The following ZFYVE1 variants were observed in gnomAD, a reference collection of about 807,000 sequenced individuals.
ZFYVE1 encodes the protein zinc finger FYVE-type containing 1.
A neutral mutation model predicts 74.4 loss-of-function variants in ZFYVE1; 30 were observed. That is an observed-to-expected ratio of 0.40 (90% CI 0.30 to 0.55). The LOEUF (loss-of-function observed/expected upper bound fraction) is 0.55, where lower values mean the gene tolerates loss of function less well. Among genes scored for constraint, ZFYVE1 ranks in the 20% least tolerant of loss-of-function variants. The pLI is 0.42. For missense variants in ZFYVE1, 703 were observed against 1,011.6 expected (o/e 0.69, Z 4.14); for synonymous variants, 335 against 385.1 (o/e 0.87, Z 1.52).
chr14:73,018,266 A>T (rs181748683), intron 2 of ZFYVE1, among the ~76,000 whole-genome samples: 37 of 152,058 alleles, frequency 2.4e-4, no homozygotes, highest in African/African-American at 8.9e-4. Context: ...CCCCATCTCT[A>T]CTAAAAATAC....
intron 2 of ZFYVE1, among the ~76,000 whole-genome samples, chr14:73,015,217 G>A (rs1344110219): frequency 7.3e-6 from 1 of 136,738 alleles, no homozygotes; most frequent in Non-Finnish European, 1.6e-5. Flanking sequence ...GTGACAGAGT[G>A]AGACTCCATC....
intron 4 of ZFYVE1, among the ~76,000 whole-genome samples, chr14:72,988,199 G>A (rs889811040): frequency 7.2e-6 from 1 of 139,324 alleles, no homozygotes; most frequent in South Asian, 2.3e-4. Context: ...TTTTGAGACA[G>A]AGTCTTGCTC....
intron 2 of ZFYVE1, among the ~76,000 whole-genome samples, chr14:73,020,587 C>T (rs1222544830): frequency 1.3e-5 from 2 of 152,164 alleles, no homozygotes; most frequent in African/African-American, 4.8e-5. Context: ...CTCCTGACCT[C>T]GTGATCCACC....
Position 72,998,371 on chromosome 14 carries a change from C to T in ZFYVE1, c.484-56G>A. 4.2e-6 allele frequency: 6 copies of T among 1,424,040 alleles called. No homozygotes were observed. In the South Asian group the frequency reaches 9.0e-5, roughly 21 times the overall value. The allele number at this position is 1,424,040 out of a possible 1,614,324, so 88.2% of individuals were successfully genotyped here. A position where few individuals can be genotyped will look rare whatever the true frequency, so the allele number is the denominator to read the frequency against. On this transcript the variant is annotated intron_variant, in intron 2 of 11. Transcript: ENST00000556143. ...ACAGAAACTGTAAAAGCACTAGAAA[C>T]ACCTACAAGAAGAAGTGCTTCCCAA...
At chr14:72,976,536 G>A (rs557688643) in intron 8 of ZFYVE1, among the ~76,000 whole-genome samples, 1 of 152,264 alleles carries the variant, frequency 6.6e-6, no homozygotes, top group South Asian at 2.1e-4. Flanking sequence ...TGTAATCCCA[G>A]CATTTTGGGA....
Position 72,997,814 on chromosome 14 carries a change from AG to A in ZFYVE1, c.984del (p.Ser329LeufsTer54). 1 of 1,584,598 alleles carries A rather than the reference AG, an allele frequency of 6.3e-7. No individual in the cohort carries two copies. Among genetic ancestry groups the A allele is most frequent in the Non-Finnish European group, 8.6e-7 (1 of 1,159,382 alleles). Reference protein sequence around the residue: ...FHETVHTQLLGSDHPSEVPEK... With the variant: ...FHETVHTQLLXSDHPSEVPEK... The stretch of plus-strand genomic sequence containing the variant: ...GACACTGTACCCCATCTCTCACCAG[AG>A]CCCAGTAGCTGGGTGTGCACGGTCT... On this transcript the variant is annotated frameshift_variant, in exon 3 of 12. Coordinates refer to ENST00000556143, the MANE Select transcript of ZFYVE1 (RefSeq NM_021260.4). LOFTEE classifies it high-confidence loss of function.
intron 2 of ZFYVE1, among the ~76,000 whole-genome samples, chr14:73,015,298 AAGGG>A (rs1385168209): frequency 1.8e-4 from 13 of 71,908 alleles, no homozygotes; most frequent in Non-Finnish European, 2.4e-4. Flanking sequence ...GGAAGGAAAG[AAGGG>A]AGGGAGGGAG....
chr14:73,023,276 TTATA>T (rs1246349800), intron 2 of ZFYVE1, among the ~76,000 whole-genome samples: 41 of 88,342 alleles, frequency 4.6e-4, no homozygotes, highest in African/African-American at 1.2e-3. Context: ...ATAATATATA[TTATA>T]TATGTTTTAT....
chr14:72,972,309 C>T (rs912628549), intron 11 of ZFYVE1, among the ~76,000 whole-genome samples: 1 of 152,184 alleles, frequency 6.6e-6, no homozygotes, highest in Non-Finnish European at 1.5e-5. Flanking sequence ...AAGAACATGC[C>T]TGACACACTG....
intron 2 of ZFYVE1, among the ~76,000 whole-genome samples, chr14:73,004,892 A>G (rs1335790282): frequency 6.6e-6 from 1 of 151,456 alleles, no homozygotes; most frequent in Non-Finnish European, 1.5e-5. Context: ...TCAACTACTC[A>G]GGAGGCTGAG....
intron 4 of ZFYVE1, among the ~76,000 whole-genome samples, chr14:72,982,587 G>A (rs935589829): frequency 6.6e-6 from 1 of 152,118 alleles, no homozygotes; most frequent in African/African-American, 2.4e-5. Flanking sequence ...CTTATTACTG[G>A]ATATTGAAAG....
In ZFYVE1 at chr14:72,974,042, G is replaced by A. The variant is rs1333892898; in HGVS notation, c.2101+38C>T. ...CAGGGCACCTGAAACCCCTCAACCC[G>A]CATCCACTACCCCCAAGAGAAGCAC... is the stretch of plus-strand genomic sequence containing the variant. On this transcript the variant is annotated intron_variant, in intron 11 of 11. Coordinates refer to ENST00000556143, the MANE Select transcript of ZFYVE1 (RefSeq NM_021260.4). 3.4e-5 allele frequency: 54 copies of A among 1,592,518 alleles called. 1 individual carries two copies. Among genetic ancestry groups the A allele is most frequent in the East Asian group, 2.5e-4 (11 of 44,702 alleles).
Position 73,003,054 on chromosome 14 carries a change from C to CTTTTT in ZFYVE1, c.484-4744_484-4740dup, listed in dbSNP as rs201185010. On this transcript the variant is annotated intron_variant, in intron 2 of 11. Transcript: ENST00000556143. ...CCGTGCCCAGCCCTTTTTTTCTTTT[C>CTTTTT]TTTTTTTTTTTTTTTTTTGAGACAG... 5.2e-4 allele frequency among the ~76,000 whole-genome samples: 54 copies of CTTTTT among 102,946 alleles called. 1 individual carries two copies. Among genetic ancestry groups the CTTTTT allele is most frequent in the South Asian group, 1.7e-3 (5 of 2,942 alleles). The allele number at this position is 102,946 out of a possible 152,430, so 67.5% of individuals were successfully genotyped here. A position where few individuals can be genotyped will look rare whatever the true frequency, so the allele number is the denominator to read the frequency against.
intron 4 of ZFYVE1, among the ~76,000 whole-genome samples, chr14:72,992,879 C>T (rs1893653382): frequency 6.6e-6 from 1 of 152,190 alleles, no homozygotes; most frequent in African/African-American, 2.4e-5. Flanking sequence ...GGCTGAGCCA[C>T]ACCAGCCAGA....
chr14:72,988,530 G>A (rs1340570096), intron 4 of ZFYVE1, among the ~76,000 whole-genome samples: 1 of 151,802 alleles, frequency 6.6e-6, no homozygotes, highest in East Asian at 2.0e-4. Flanking sequence ...TTTCGGGCCT[G>A]GCACAGTGGC....
At chr14:72,972,344 C>T (rs1246706176) in intron 11 of ZFYVE1, among the ~76,000 whole-genome samples, 8 of 152,200 alleles carry the variant, frequency 5.3e-5, no homozygotes, top group Non-Finnish European at 1.0e-4. Flanking sequence ...ACCCTGTGGG[C>T]GCTCAGAATG....
intron 4 of ZFYVE1, among the ~76,000 whole-genome samples, chr14:72,991,321 C>T (rs1241816591): frequency 6.6e-6 from 1 of 151,784 alleles, no homozygotes; most frequent in African/African-American, 2.4e-5. Flanking sequence ...TCCCAAGTAG[C>T]TGGGACTACA....
Position 73,022,042 on chromosome 14 carries a change from C to G in ZFYVE1, c.483+1984G>C, listed in dbSNP as rs867484378. Among the ~76,000 whole-genome samples the G allele has an allele frequency of 7.2e-5, 11 of 152,300 alleles. No homozygotes were observed. In the Middle Eastern group the frequency reaches 0.01, roughly 141 times the overall value. On this transcript the variant is annotated intron_variant, in intron 2 of 11. Coordinates refer to ENST00000556143, the MANE Select transcript of ZFYVE1 (RefSeq NM_021260.4). ...CAACCAAACTATGACTTTCCAAAAGCTGACATTACAGAGAACTGAGCAAAA... is the reference window on the plus strand; with the variant it reads ...CAACCAAACTATGACTTTCCAAAAGGTGACATTACAGAGAACTGAGCAAAA...
intron 2 of ZFYVE1, among the ~76,000 whole-genome samples, chr14:72,999,220 G>A (rs1290992233): frequency 6.6e-6 from 1 of 152,136 alleles, no homozygotes; most frequent in Admixed American, 6.6e-5. Context: ...CCTGAGGTCA[G>A]GAGTTCAAGA....
Sources: gnomAD v4.1 joint callset for allele counts (sites outside exome capture counted in the v4.1 genomes callset) on GRCh38, gnomAD v4.1.1 for gene constraint, MANE v1.5 for transcripts, NCBI Gene and HGNC (gene_info 2026-07-23, HGNC 2026-07-21) for gene names.